Variants in LARP1 observed in about 807,000 individuals in gnomAD.
The protein encoded by LARP1 is la-related protein 1.
Under a neutral mutation model 122.7 loss-of-function variants are expected in LARP1, and 36 were observed. The ratio of observed to expected loss-of-function variants is 0.29; its 90% CI spans 0.22 to 0.39. The LOEUF (loss-of-function observed/expected upper bound fraction) is 0.39. LARP1 is among the 10% of genes least tolerant of loss of function. LARP1 has a pLI of 1.00. For missense variants in LARP1, 1,040 were observed against 1,403.6 expected (o/e 0.74, Z 4.14); for synonymous variants, 539 against 528.7 (o/e 1.02, Z -0.27).
intron 1 of LARP1, among the ~76,000 whole-genome samples, chr5:154,786,061 A>G (rs1383731090): frequency 6.6e-6 from 1 of 150,982 alleles, no homozygotes; most frequent in Non-Finnish European, 1.5e-5. Context: ...TTTTTTTTTG[A>G]GATGGAGTTT....
chr5:154,744,879 C>T (rs573789046), intron 1 of LARP1, among the ~76,000 whole-genome samples: 2 of 119,270 alleles, frequency 1.7e-5, no homozygotes, highest in South Asian at 5.1e-4. Context: ...CCTCGTGATC[C>T]GCCCGCCTCG....
At chr5:154,767,073 C>T (rs1755013468) in intron 1 of LARP1, among the ~76,000 whole-genome samples, 1 of 152,172 alleles carries the variant, frequency 6.6e-6, no homozygotes, top group Admixed American at 6.5e-5. Flanking sequence ...AACTCTACCT[C>T]TGGAGGAAGA....
rs1244096517 is a variant in LARP1 at position 154,816,044 on chromosome 5, A to G, written c.*1948A>G. The G allele has an allele frequency of 6.6e-6, 1 of 152,434 alleles. No homozygotes were observed. The highest frequency in any genetic ancestry group is 1.5e-5 in the Non-Finnish European group (1 of 68,044). 9.4% of individuals were successfully genotyped at this position (152,434 alleles called of 1,614,324 possible). A position where few individuals can be genotyped will look rare whatever the true frequency, so the allele number is the denominator to read the frequency against. ...CCAGGCTGACAAGGGCTTGCCCTTT[A>G]CCTTGGGCACCTTGTTAATTTTTAG... On this transcript the variant is annotated 3_prime_UTR_variant, in exon 19 of 19. Transcript: ENST00000518297.
chr5:154,768,243 G>A (rs1755110123), intron 1 of LARP1, among the ~76,000 whole-genome samples: 1 of 152,214 alleles, frequency 6.6e-6, no homozygotes, highest in Non-Finnish European at 1.5e-5. Context: ...ATTTGTTGTA[G>A]GGTTCTGCAG....
At chr5:154,772,188 CAG>C (rs745408462) in intron 1 of LARP1, among the ~76,000 whole-genome samples, 14 of 151,738 alleles carry the variant, frequency 9.2e-5, no homozygotes, top group East Asian at 3.9e-4. Context: ...GTAGCCAAAA[CAG>C]GGGAAATCAG....
rs570092886 is a variant in LARP1, at chr5:154,693,631, G to A, written c.-180+10594G>A. 3.3e-5 allele frequency among the ~76,000 whole-genome samples: 5 copies of A among 152,144 alleles called. No individual in the cohort carries two copies. The South Asian group carries it at 1.0e-3, about 32-fold the overall frequency. On this transcript the variant is annotated intron_variant, in intron 1 of 18. Coordinates refer to the LARP1 transcript ENST00000687700. ...AGCACTTTGGGAGGCCGAGGCGGGC[G>A]GATCACGAGGTCAGGAGATCAAGAC... is the stretch of plus-strand genomic sequence containing the variant.
intron 1 of LARP1, among the ~76,000 whole-genome samples, chr5:154,772,683 CTTTTG>C (rs1409665952): frequency 2.0e-5 from 3 of 152,176 alleles, no homozygotes; most frequent in East Asian, 1.9e-4. Context: ...CTCAAAATAT[CTTTTG>C]TTTTGTTTTG....
intron 1 of LARP1, among the ~76,000 whole-genome samples, chr5:154,777,477 C>A (rs183790356): frequency 6.6e-6 from 1 of 152,042 alleles, no homozygotes; most frequent in East Asian, 1.9e-4. Context: ...GCAGAGATCA[C>A]GCCACTGCAC....
chr5:154,808,133 TACAA>T (rs950746602), intron 15 of LARP1, among the ~76,000 whole-genome samples: 7 of 152,238 alleles, frequency 4.6e-5, no homozygotes, highest in South Asian at 2.1e-4. Context: ...TGTTAGAATT[TACAA>T]ACAATTTGTT....
chr5:154,787,611 G>A (rs922706494), intron 1 of LARP1, among the ~76,000 whole-genome samples: 3 of 152,138 alleles, frequency 2.0e-5, no homozygotes, highest in Non-Finnish European at 4.4e-5. Context: ...GATTTTAAAG[G>A]CAGAAGTGGC....
intron 1 of LARP1, among the ~76,000 whole-genome samples, chr5:154,736,154 T>C (rs1018527153): frequency 2.6e-5 from 4 of 151,776 alleles, no homozygotes; most frequent in African/African-American, 9.7e-5. Context: ...TGGAGTGCAA[T>C]GGCGTGATCT....
At chr5:154,715,151 G>A (rs1755419922) in intron 1 of LARP1, among the ~76,000 whole-genome samples, 1 of 151,492 alleles carries the variant, frequency 6.6e-6, no homozygotes, top group East Asian at 2.0e-4. Flanking sequence ...CTGCACTCCA[G>A]CCTGGGCGAC....
chr5:154,746,144 C>T (rs1349400224), intron 1 of LARP1, among the ~76,000 whole-genome samples: 2 of 152,128 alleles, frequency 1.3e-5, no homozygotes, highest in African/African-American at 4.8e-5. Context: ...TTTTTCTGTG[C>T]CATGTGTGAA....
chr5:154,751,105 G>C (rs944710837), upstream of LARP1, among the ~76,000 whole-genome samples: 1 of 151,986 alleles, frequency 6.6e-6, no homozygotes, highest in Non-Finnish European at 1.5e-5. Flanking sequence ...AACTTGTTTG[G>C]TATCTTCCTG....
intron 1 of LARP1, among the ~76,000 whole-genome samples, chr5:154,731,611 G>T (rs1756571089): frequency 6.6e-6 from 1 of 152,160 alleles, no homozygotes; most frequent in African/African-American, 2.4e-5. Flanking sequence ...ACTAAGACAG[G>T]CAGGAATCTG....
intron 1 of LARP1, among the ~76,000 whole-genome samples, chr5:154,703,463 A>G (rs1358517796): frequency 6.6e-6 from 1 of 151,786 alleles, no homozygotes; most frequent in Admixed American, 6.6e-5. Context: ...TCATTTATTC[A>G]TTCAACAGGC....
rs1347840412 is a variant in LARP1 at position 154,756,060 on chromosome 5, T to C, written c.303T>C (p.Ala101=). ...DGEEGGGEPG[A]GGGAAGAAGA... ...AGGAGGGCGGCGGCGAGCCAGGCGC[T>C]GGCGGAGGAGCTGCCGGAGCCGCGG... Residue 101 remains alanine (A), a synonymous_variant, in exon 1 of 19, where the codon GCT becomes GCC. Transcript: ENST00000518297. 5 of 1,106,868 alleles carry C rather than the reference T, an allele frequency of 4.5e-6. No individual in the cohort carries two copies. Among genetic ancestry groups the C allele is most frequent in the Non-Finnish European group, 5.6e-6 (5 of 898,568 alleles). The allele number at this position is 1,106,868 out of a possible 1,614,324, so 68.6% of individuals were successfully genotyped here. A position where few individuals can be genotyped will look rare whatever the true frequency, so the allele number is the denominator to read the frequency against.
chr5:154,796,531 G>A (rs1299479753), intron 8 of LARP1, among the ~76,000 whole-genome samples: 1 of 152,024 alleles, frequency 6.6e-6, no homozygotes, highest in African/African-American at 2.4e-5. Context: ...TGTAAATTGT[G>A]ATCTAGAGGC....
intron 1 of LARP1, among the ~76,000 whole-genome samples, chr5:154,739,062 C>T (rs1037263608): frequency 1.3e-5 from 2 of 152,208 alleles, no homozygotes; most frequent in African/African-American, 4.8e-5. Flanking sequence ...GTCACCCAGG[C>T]TGGAGTGCAG....
Sources: allele counts gnomAD v4.1 joint callset (sites outside exome capture counted in the v4.1 genomes callset), GRCh38; gene constraint gnomAD v4.1.1; transcripts MANE v1.5; gene names NCBI Gene and HGNC (gene_info 2026-07-23, HGNC 2026-07-21).